The following ZMYM4 variants were observed in gnomAD, a reference collection of about 807,000 sequenced individuals.
ZMYM4 encodes the protein zinc finger MYM-type protein 4.
In ZMYM4, 31 loss-of-function variants were observed where a neutral mutation model predicts 183.2. The observed-to-expected ratio is 0.17, with a 90% CI of 0.13 to 0.23. ZMYM4 has a LOEUF of 0.23. Ranked by LOEUF, ZMYM4 falls within the 10% of genes least tolerant of loss-of-function variation. ZMYM4 has a pLI of 1.00. For synonymous variants in ZMYM4, 592 were observed against 631.2 expected (o/e 0.94, Z 0.93); for missense variants, 1,273 against 1,840.3 (o/e 0.69, Z 5.64).
At chr1:35,374,576 G>T (rs1402940544) in intron 7 of ZMYM4, among the ~76,000 whole-genome samples, 1 of 151,254 alleles carries the variant, frequency 6.6e-6, no homozygotes, top group Admixed American at 6.6e-5. Flanking sequence ...GAGGTGGGAG[G>T]ATTGCTTGAG....
chr1:35,370,816 C>A, intron 7 of ZMYM4, 189 bp downstream of exon 7: 1 of 629,802 alleles, frequency 1.6e-6, no homozygotes, highest in Non-Finnish European at 2.3e-6. Flanking sequence ...GTGCTAGGTG[C>A]TCAGCTTGTT....
chr1:35,370,338 A>ATTTTTTTTTTTTTT, intron 6 of ZMYM4, 34 bp from the exon 7 acceptor site: 1 of 910,624 alleles, frequency 1.1e-6, no homozygotes, highest in Non-Finnish European at 1.4e-6. Flanking sequence ...TTTTCTTTCA[A>ATTTTTTTTTTTTTT]TTTTTTTTTT....
At chr1:35,364,175 A>T (rs1644012495) in intron 5 of ZMYM4, among the ~76,000 whole-genome samples, 1 of 152,248 alleles carries the variant, frequency 6.6e-6, no homozygotes. Context: ...CATCATGATT[A>T]TGGGAAGAAC....
chr1:35,336,550 C>T (rs1348741052), intron 2 of ZMYM4, among the ~76,000 whole-genome samples: 1 of 151,926 alleles, frequency 6.6e-6, no homozygotes, highest in Non-Finnish European at 1.5e-5. Flanking sequence ...CCATCCCTGG[C>T]TAATTTTGTA....
intron 1 of ZMYM4, among the ~76,000 whole-genome samples, chr1:35,298,568 A>T (rs542666028): frequency 1.3e-5 from 2 of 152,064 alleles, no homozygotes; most frequent in Non-Finnish European, 1.5e-5. Flanking sequence ...TCAGGAAACT[A>T]CTCATGCGTG....
At chr1:35,418,593 A>C (rs1187516581) in intron 29 of ZMYM4, 21 bp downstream of exon 29, 1 of 1,612,970 alleles carries the variant, frequency 6.2e-7, no homozygotes, top group Non-Finnish European at 8.5e-7. Context: ...TCTGAACTGA[A>C]TGTAGTGCAC....
At chr1:35,379,257 C>T (rs1179625871) in intron 7 of ZMYM4, among the ~76,000 whole-genome samples, 6 of 151,946 alleles carry the variant, frequency 3.9e-5, no homozygotes, top group African/African-American at 1.2e-4. Context: ...CGCGCCACCA[C>T]GCCCAGCTAA....
In ZMYM4 at chr1:35,415,482, C is replaced by T. The variant is rs769009585; in HGVS notation, c.4077C>T (p.Arg1359=). 1 of 1,614,212 alleles carries T rather than the reference C, an allele frequency of 6.2e-7. No homozygotes were observed. The highest frequency in any genetic ancestry group is 1.7e-5 in the Admixed American group (1 of 60,028). Residue 1359 remains arginine, a synonymous_variant, in exon 28 of 30, where the codon CGC becomes CGT. Transcript: ENST00000314607. The part of the protein sequence containing the change: ...TILPNGYMFS[R]IEEEHLWECK... ...TCTGTCTAGGTTACATGTTCTCTCG[C>T]ATTGAGGAAGAGCATTTGTGGGAGT...
At chr1:35,376,455 T>C (rs1184097217) in intron 7 of ZMYM4, among the ~76,000 whole-genome samples, 2 of 152,246 alleles carry the variant, frequency 1.3e-5, no homozygotes, top group Non-Finnish European at 2.9e-5. Flanking sequence ...ATGTTACATG[T>C]AGTCTGAAAT....
At chr1:35,411,932 G>T (rs1054863951) in intron 26 of ZMYM4, among the ~76,000 whole-genome samples, 1 of 152,122 alleles carries the variant, frequency 6.6e-6, no homozygotes, top group Admixed American at 6.5e-5. Context: ...GCCCAGGCTG[G>T]AGTGCAGTGG....
chr1:35,387,314 A>G (rs1644598931), intron 12 of ZMYM4, 36 bp downstream of exon 12: 2 of 1,601,220 alleles, frequency 1.2e-6, no homozygotes, highest in South Asian at 1.1e-5. Flanking sequence ...GATTTTGAGT[A>G]TACGTGGGTC....
At chr1:35,362,601 C>G (rs1352047788) in intron 5 of ZMYM4, among the ~76,000 whole-genome samples, 1 of 152,192 alleles carries the variant, frequency 6.6e-6, no homozygotes, top group Non-Finnish European at 1.5e-5. Flanking sequence ...GACATTTAAT[C>G]TGGGGGAAGC....
chr1:35,289,958 C>CT (rs1299340927), intron 1 of ZMYM4, among the ~76,000 whole-genome samples: 5 of 151,550 alleles, frequency 3.3e-5, no homozygotes, highest in East Asian at 1.9e-4. Context: ...TCTTTCTTTT[C>CT]TTTTTTTTCT....
intron 13 of ZMYM4, among the ~76,000 whole-genome samples, 198 bp from the exon 14 acceptor site, chr1:35,388,697 CTTTTTTTTGTTTTTG>C (rs1046466464): frequency 6.6e-6 from 1 of 151,776 alleles, no homozygotes; most frequent in Non-Finnish European, 1.5e-5. Context: ...ACTTATTTTT[CTTTTTTTTGTTTTTG>C]TTTTTATTTG....
chr1:35,314,754 C>T (rs2148793680), intron 1 of ZMYM4, among the ~76,000 whole-genome samples: 1 of 129,844 alleles, frequency 7.7e-6, no homozygotes, highest in South Asian at 2.5e-4. Flanking sequence ...TGGCTGGGCG[C>T]AGTGGCTCAT....
intron 2 of ZMYM4, among the ~76,000 whole-genome samples, chr1:35,337,397 CTA>C (rs1168399164): frequency 3.3e-5 from 5 of 152,108 alleles, no homozygotes; most frequent in African/African-American, 9.7e-5. Flanking sequence ...ATCGTGTTCT[CTA>C]TAGATTTCTT....
chr1:35,301,205 A>G (rs776091486), intron 1 of ZMYM4, among the ~76,000 whole-genome samples: 8 of 152,114 alleles, frequency 5.3e-5, no homozygotes, highest in Non-Finnish European at 1.2e-4. Flanking sequence ...TTTTTACTAT[A>G]CTATTGAATA....
At chr1:35,365,993 T>C (rs1644068590) in intron 5 of ZMYM4, 2 of 152,180 alleles carry the variant, frequency 1.3e-5, no homozygotes, top group African/African-American at 4.8e-5. Flanking sequence ...CAGCAGAAGT[T>C]TGCAATAGCC....
intron 2 of ZMYM4, among the ~76,000 whole-genome samples, chr1:35,339,025 A>T (rs2148855007): frequency 6.6e-6 from 1 of 152,200 alleles, no homozygotes; most frequent in East Asian, 1.9e-4. Context: ...ATTTAGGAAA[A>T]ATTTCCTGGG....
Sources: allele counts gnomAD v4.1 joint callset (sites outside exome capture counted in the v4.1 genomes callset), GRCh38; gene constraint gnomAD v4.1.1; transcripts MANE v1.5; gene names NCBI Gene and HGNC (gene_info 2026-07-23, HGNC 2026-07-21).